Variants in TLE4 observed in about 807,000 individuals in gnomAD.
TLE4 encodes transducin-like enhancer protein 4.
TLE4 carries 8 observed loss-of-function variants against 92.8 expected under a neutral mutation model. That is an observed-to-expected ratio of 0.09 (90% CI 0.05 to 0.16). TLE4 has a LOEUF of 0.16. TLE4 is among the 10% of genes least tolerant of loss of function. The pLI, the probability that TLE4 is intolerant of heterozygous loss-of-function variation, is 1.00. For synonymous variants in TLE4, 371 were observed against 374.1 expected (o/e 0.99, Z 0.10); for missense variants, 675 against 997.6 (o/e 0.68, Z 4.36).
At chr9:79,671,758 A>T (rs1289142284) in intron 8 of TLE4, among the ~76,000 whole-genome samples, 2 of 152,030 alleles carry the variant, frequency 1.3e-5, no homozygotes, top group Non-Finnish European at 2.9e-5. Flanking sequence ...GTATATCTGA[A>T]GGGAAGGGAG....
intron 8 of TLE4, among the ~76,000 whole-genome samples, chr9:79,656,250 G>A (rs1347829973): frequency 7.9e-5 from 12 of 152,146 alleles, no homozygotes; most frequent in South Asian, 2.1e-4. Context: ...GTGGTTCCTG[G>A]TTAAGAGGGG....
chr9:79,622,127 T>G (rs2051169598), intron 5 of TLE4, among the ~76,000 whole-genome samples: 1 of 152,236 alleles, frequency 6.6e-6, no homozygotes, highest in African/African-American at 2.4e-5. Context: ...CTGTTTGGCC[T>G]CCTCCTGTCT....
At chr9:79,661,378 TGAA>T (rs1487446417) in intron 8 of TLE4, among the ~76,000 whole-genome samples, 2 of 152,234 alleles carry the variant, frequency 1.3e-5, no homozygotes, top group African/African-American at 4.8e-5. Flanking sequence ...TGTGGTGATT[TGAA>T]GTAGCTCAGC....
At chr9:79,708,990 C>T (rs1459089708) in intron 13 of TLE4, among the ~76,000 whole-genome samples, 1 of 152,124 alleles carries the variant, frequency 6.6e-6, no homozygotes, top group Non-Finnish European at 1.5e-5. Flanking sequence ...CGCCACCATG[C>T]CCAGCTAATT....
intron 8 of TLE4, among the ~76,000 whole-genome samples, chr9:79,673,708 C>T (rs1483409059): frequency 1.3e-5 from 2 of 152,034 alleles, no homozygotes; most frequent in Non-Finnish European, 2.9e-5. Context: ...AGTAATTTCC[C>T]CCTAAAAACT....
chr9:79,681,851 T>TGG (rs1025387037), intron 8 of TLE4, among the ~76,000 whole-genome samples: 4 of 149,140 alleles, frequency 2.7e-5, no homozygotes, highest in Non-Finnish European at 3.0e-5. Flanking sequence ...TGTGTGTGTG[T>TGG]GTGTGTGTGT....
chr9:79,593,010 T>C (rs1204341970), intron 4 of TLE4, among the ~76,000 whole-genome samples: 1 of 152,230 alleles, frequency 6.6e-6, no homozygotes, highest in African/African-American at 2.4e-5. Flanking sequence ...AATTTTCTTC[T>C]TTTTTTCTCC....
intron 15 of TLE4, among the ~76,000 whole-genome samples, chr9:79,719,839 A>T (rs1331724991): frequency 3.3e-5 from 5 of 152,216 alleles, no homozygotes; most frequent in African/African-American, 1.2e-4. Context: ...AAGATTAAAT[A>T]TCTCAGTACT....
intron 5 of TLE4, 140 bp from the exon 6 acceptor site, chr9:79,627,234 C>G: frequency 1.2e-6 from 1 of 806,530 alleles, no homozygotes; most frequent in Admixed American, 2.0e-5. Flanking sequence ...CATCCATCAC[C>G]TCAGGCTTGT....
At chr9:79,668,538 G>A (rs1004054762) in intron 8 of TLE4, among the ~76,000 whole-genome samples, 12 of 152,166 alleles carry the variant, frequency 7.9e-5, no homozygotes, top group African/African-American at 2.7e-4. Flanking sequence ...ACCGTATCTT[G>A]TAACCCTCAA....
chr9:79,722,916 G>A, intron 18 of TLE4, 43 bp from the exon 19 acceptor site: 2 of 1,576,402 alleles, frequency 1.3e-6, no homozygotes, highest in Non-Finnish European at 1.7e-6. Flanking sequence ...GTGTCTGACA[G>A]AGTAACACAA....
intron 4 of TLE4, among the ~76,000 whole-genome samples, chr9:79,585,675 A>G (rs1420665202): frequency 6.8e-6 from 1 of 147,788 alleles, no homozygotes; most frequent in Non-Finnish European, 1.5e-5. Flanking sequence ...TTTTTTTTTC[A>G]GTCTTAGAAA....
rs190022222 is a variant in TLE4, at chr9:79,670,182, A to G, written c.609+16107A>G. Among the ~76,000 whole-genome samples, 743 of 152,092 alleles carry G rather than the reference A, an allele frequency of 4.9e-3. 2 individuals are homozygous for G. Among genetic ancestry groups the G allele is most frequent in the Non-Finnish European group, 6.9e-3 (471 of 67,984 alleles). On this transcript the variant is annotated intron_variant, in intron 8 of 19. Transcript: ENST00000376552. ...GGATAGCTAAAGAGTAAAATGAGTA[A>G]CAGTTAAATAAGAAAAAAAAAAGAA...
At position 79,708,576 on chromosome 9, in the gene TLE4, T is replaced by A. The variant is rs200382724; in HGVS notation, c.1070-17T>A. 2.1e-4 allele frequency: 328 copies of A among 1,599,726 alleles called. 1 individual carries two copies. The highest frequency in any genetic ancestry group is 3.3e-4 in the Admixed American group (19 of 57,854). The stretch of plus-strand genomic sequence containing the variant: ...TCCTGTGTTCTTCATTTTTCTTCCA[T>A]CCATTTTGGTTTGCAGCCTCAAGCC... On this transcript the variant is annotated splice_polypyrimidine_tract_variant and intron_variant, in intron 12 of 19. Transcript: ENST00000376552.
intron 6 of TLE4, among the ~76,000 whole-genome samples, chr9:79,635,020 G>A (rs935314319): frequency 6.6e-6 from 1 of 152,112 alleles, no homozygotes; most frequent in Non-Finnish European, 1.5e-5. Flanking sequence ...GTAAATGCAC[G>A]TTAAACTTTC....
chr9:79,592,301 G>A (rs1378301458), intron 4 of TLE4, among the ~76,000 whole-genome samples: 3 of 136,560 alleles, frequency 2.2e-5, no homozygotes, highest in South Asian at 2.3e-4. Flanking sequence ...TTGGAGGCAG[G>A]GTCTCACTCT....
At chr9:79,609,264 A>G (rs1365460586) in intron 4 of TLE4, among the ~76,000 whole-genome samples, 1 of 152,098 alleles carries the variant, frequency 6.6e-6, no homozygotes, top group Non-Finnish European at 1.5e-5. Context: ...ACTGTCCATC[A>G]GTACTGTAGA....
intron 5 of TLE4, among the ~76,000 whole-genome samples, chr9:79,625,416 T>C (rs1447362136): frequency 6.6e-6 from 1 of 152,196 alleles, no homozygotes; most frequent in Non-Finnish European, 1.5e-5. Flanking sequence ...CCCTTCATGA[T>C]AGGAGTTAAA....
intron 8 of TLE4, among the ~76,000 whole-genome samples, chr9:79,670,160 T>A (rs1465611321): frequency 6.8e-6 from 1 of 147,988 alleles, no homozygotes; most frequent in African/African-American, 2.5e-5. Context: ...TTAGAGGGGA[T>A]AGCTAAAGAG....
Sources: allele counts gnomAD v4.1 joint callset (sites outside exome capture counted in the v4.1 genomes callset), GRCh38; gene constraint gnomAD v4.1.1; transcripts MANE v1.5; gene names NCBI Gene and HGNC (gene_info 2026-07-23, HGNC 2026-07-21).